VRK2: variants seen among roughly 807,000 people sequenced by gnomAD.
The protein encoded by VRK2 is serine/threonine-protein kinase VRK2.
In VRK2, 60 loss-of-function variants were observed where a neutral mutation model predicts 57.6. That is an observed-to-expected ratio of 1.04 (90% confidence interval 0.85 to 1.29). The LOEUF (loss-of-function observed/expected upper bound fraction) is 1.29, where lower values mean the gene tolerates loss of function less well. VRK2 is among the 50% of genes most tolerant of loss of function. The pLI, the probability that VRK2 is intolerant of heterozygous loss-of-function variation, is 0.00. For synonymous variants in VRK2, 231 were observed against 199.2 expected (o/e 1.16, Z -1.35); for missense variants, 705 against 588.1 (o/e 1.20, Z -2.06).
At chr2:57,976,896 A>G (rs1177336774) in intron 1 of VRK2, among the ~76,000 whole-genome samples, 2 of 152,106 alleles carry the variant, frequency 1.3e-5, no homozygotes, top group African/African-American at 4.8e-5. Context: ...TGATTTTTGT[A>G]TATGGTGAAA....
At chr2:58,123,277 G>A in intron 8 of VRK2, 44 bp downstream of exon 8, 1 of 1,567,272 alleles carries the variant, frequency 6.4e-7, no homozygotes, top group Non-Finnish European at 8.6e-7. Flanking sequence ...TCAGAAGAAT[G>A]ATTAGAGACA....
At chr2:58,079,090 C>G (rs1489928784) in intron 2 of VRK2, among the ~76,000 whole-genome samples, 1 of 152,056 alleles carries the variant, frequency 6.6e-6, no homozygotes, top group African/African-American at 2.4e-5. Flanking sequence ...TTGAAGAGTA[C>G]CAGCTAGTAT....
At chr2:58,113,318 A>G (rs1371319589) in intron 7 of VRK2, among the ~76,000 whole-genome samples, 1 of 151,580 alleles carries the variant, frequency 6.6e-6, no homozygotes, top group Non-Finnish European at 1.5e-5. Context: ...GTCTCAAAAA[A>G]AAAAAAAAAA....
intron 1 of VRK2, among the ~76,000 whole-genome samples, chr2:57,956,651 G>C (rs13408650): frequency 6.6e-6 from 1 of 152,058 alleles, no homozygotes; most frequent in African/African-American, 2.4e-5. Context: ...ACCATACTTA[G>C]TTCCAATTAC....
chr2:57,992,808 T>C (rs1672809480), intron 1 of VRK2, among the ~76,000 whole-genome samples: 1 of 151,608 alleles, frequency 6.6e-6, no homozygotes, highest in African/African-American at 2.4e-5. Flanking sequence ...AGTGCTGGGA[T>C]TACAGGCGTG....
intron 2 of VRK2, among the ~76,000 whole-genome samples, chr2:58,054,381 G>A (rs1313399077): frequency 6.6e-6 from 1 of 150,948 alleles, no homozygotes; most frequent in African/African-American, 2.4e-5. Flanking sequence ...ACTGTTTACA[G>A]TGGTCAAGGT....
intron 1 of VRK2, among the ~76,000 whole-genome samples, chr2:58,024,402 TG>T (rs1194665723): frequency 3.3e-5 from 5 of 152,028 alleles, no homozygotes; most frequent in South Asian, 2.1e-4. Flanking sequence ...GAAGTTTTTT[TG>T]GGGGGGTGCT....
chr2:58,119,199 CTTTAA>C (rs1414162280), intron 7 of VRK2, among the ~76,000 whole-genome samples: 1 of 151,916 alleles, frequency 6.6e-6, no homozygotes, highest in East Asian at 1.9e-4. Context: ...TTTCAGTTTC[CTTTAA>C]TTTAAAGTTC....
intron 7 of VRK2, among the ~76,000 whole-genome samples, chr2:58,118,703 T>C (rs904810310): frequency 1.3e-5 from 2 of 152,204 alleles, no homozygotes; most frequent in Non-Finnish European, 2.9e-5. Flanking sequence ...CCAAATTTCA[T>C]GTGTGTCCGT....
At chr2:57,936,219 G>A (rs898628119) in intron 1 of VRK2, among the ~76,000 whole-genome samples, 6 of 152,144 alleles carry the variant, frequency 3.9e-5, no homozygotes, top group African/African-American at 7.2e-5. Flanking sequence ...TAACTGTCCA[G>A]CTTACTTGCA....
chr2:58,046,423 G>A, upstream of VRK2: 1 of 927,344 alleles, frequency 1.1e-6, no homozygotes, highest in Non-Finnish European at 1.3e-6. Flanking sequence ...TGCTCGGCGA[G>A]AGCTCGGTAA....
At chr2:58,000,189 T>C (rs541357633) in intron 1 of VRK2, among the ~76,000 whole-genome samples, 12 of 152,328 alleles carry the variant, frequency 7.9e-5, no homozygotes, top group African/African-American at 2.4e-4. Context: ...ATAAAATATA[T>C]GGCCATAATA....
intron 1 of VRK2, among the ~76,000 whole-genome samples, chr2:57,957,899 C>T (rs1671636167): frequency 6.6e-6 from 1 of 152,138 alleles, no homozygotes; most frequent in African/African-American, 2.4e-5. Context: ...ACTATCACTG[C>T]TGCCAAATTC....
intron 1 of VRK2, among the ~76,000 whole-genome samples, chr2:58,048,091 C>G (rs1308293947): frequency 6.6e-6 from 1 of 152,138 alleles, no homozygotes; most frequent in East Asian, 1.9e-4. Flanking sequence ...AATTTGCTAA[C>G]CTATGTACAA....
intron 1 of VRK2, among the ~76,000 whole-genome samples, chr2:57,958,450 T>TACAA (rs1671654292): frequency 7.0e-6 from 1 of 143,662 alleles, no homozygotes; most frequent in East Asian, 2.0e-4. Flanking sequence ...TATATATTTG[T>TACAA]ATATATATAC....
chr2:57,982,915 T>A (rs951851851), intron 1 of VRK2, among the ~76,000 whole-genome samples: 1 of 152,194 alleles, frequency 6.6e-6, no homozygotes, highest in African/African-American at 2.4e-5. Flanking sequence ...CTCTAGATAG[T>A]TCTCCTTGAC....
At chr2:58,093,063 T>C (rs1573053108) in intron 7 of VRK2, among the ~76,000 whole-genome samples, 3 of 152,346 alleles carry the variant, frequency 2.0e-5, no homozygotes, top group South Asian at 2.1e-4. Context: ...CAGTCTATCA[T>C]TGATGCACAT....
intron 1 of VRK2, among the ~76,000 whole-genome samples, chr2:57,988,212 G>A (rs1672658119): frequency 6.6e-6 from 1 of 152,098 alleles, no homozygotes; most frequent in South Asian, 2.1e-4. Flanking sequence ...TCCTATTCAA[G>A]TTTTATGTTT....
At chr2:57,991,376 A>G (rs935620945) in intron 1 of VRK2, among the ~76,000 whole-genome samples, 1 of 152,146 alleles carries the variant, frequency 6.6e-6, no homozygotes, top group Admixed American at 6.5e-5. Flanking sequence ...TTTAGAAAAA[A>G]AAAAAGCGAA....
Sources: allele counts gnomAD v4.1 joint callset (sites outside exome capture counted in the v4.1 genomes callset), GRCh38; gene constraint gnomAD v4.1.1; transcripts MANE v1.5; gene names NCBI Gene and HGNC (gene_info 2026-07-23, HGNC 2026-07-21).